The following CEP43 variants were observed in gnomAD, a reference collection of about 807,000 sequenced individuals.
CEP43 encodes the protein FGFR1 oncogene partner.
CEP43 carries 36 observed loss-of-function variants against 52.6 expected under a neutral mutation model. The observed-to-expected ratio is 0.68, with a 90% CI of 0.52 to 0.90. The LOEUF (loss-of-function observed/expected upper bound fraction) is 0.90, where lower values mean the gene tolerates loss of function less well. Ranked by LOEUF, CEP43 falls within the 40% of genes least tolerant of loss-of-function variation. The pLI, the probability that CEP43 is intolerant of heterozygous loss-of-function variation, is 0.00. For synonymous variants in CEP43, 192 were observed against 172.4 expected (o/e 1.11, Z -0.89); for missense variants, 506 against 472.8 (o/e 1.07, Z -0.65).
chr6:167,033,996 G>C, intron 12 of CEP43, 25 bp downstream of exon 12: 2 of 1,164,254 alleles, frequency 1.7e-6, no homozygotes, highest in South Asian at 2.9e-5. Flanking sequence ...ATTTCCCATA[G>C]AGTGCTTTTT....
intron 12 of CEP43, among the ~76,000 whole-genome samples, chr6:167,039,411 G>T (rs1054950917): frequency 6.6e-5 from 10 of 152,258 alleles, no homozygotes; most frequent in African/African-American, 2.4e-4. Context: ...TTGCAGGCAT[G>T]AGCCACTGCG....
intron 9 of CEP43, 91 bp downstream of exon 9, chr6:167,024,985 A>C (rs1780322987): frequency 1.4e-6 from 1 of 720,538 alleles, no homozygotes; most frequent in South Asian, 1.7e-5. Flanking sequence ...TTTCCCAGGA[A>C]AATCACTAAA....
Position 167,047,870 on chromosome 6 carries a change from A to C in CEP43, c.*7892A>C, listed in dbSNP as rs914073171. Reference sequence around the variant, plus strand: ...AGAGGAACCTCACGGTGGATGCCGTAAGTGTTTACACTGAAAAGGATTTTC... The same window carrying C: ...AGAGGAACCTCACGGTGGATGCCGTCAGTGTTTACACTGAAAAGGATTTTC... On this transcript the variant is annotated 3_prime_UTR_variant, in exon 13 of 13. Coordinates refer to ENST00000366847, the MANE Select transcript of CEP43 (RefSeq NM_007045.4). 6.6e-6 allele frequency: 1 copy of C among 152,150 alleles called. No homozygotes were observed. The highest frequency in any genetic ancestry group is 2.4e-5 in the African/African-American group (1 of 41,436). 9.4% of individuals were successfully genotyped at this position (152,150 alleles called of 1,614,324 possible).
chr6:167,004,324 G>A lies in CEP43; in HGVS notation c.361G>A (p.Gly121Ser). 1 of 1,611,108 alleles carries A rather than the reference G, an allele frequency of 6.2e-7. No individual in the cohort carries two copies. The highest frequency in any genetic ancestry group is 1.1e-5 in the South Asian group (1 of 90,634). The change falls in exon 5 of 13, where the codon GGT (glycine) becomes AGT (serine). Residue 121 changes from glycine to serine, a missense_variant. Physicochemically the swap from Gly to Ser is moderately conservative, Grantham distance 56. Coordinates refer to ENST00000366847, the MANE Select transcript of CEP43 (RefSeq NM_007045.4). ...ARDLGIIEAE[G>S]TVGGPLLLEV... The stretch of plus-strand genomic sequence containing the variant: ...AGATTTAGGTATAATTGAAGCAGAA[G>A]GTACTGTGGGTGGACCCTTATTATT...
chr6:167,003,684 TGAA>T (rs1260890877), intron 3 of CEP43, 36 bp from the exon 4 acceptor site: 1 of 1,307,056 alleles, frequency 7.7e-7, no homozygotes, highest in East Asian at 2.3e-5. Context: ...ATTCAGTTTT[TGAA>T]GATTTGCTTA....
At chr6:167,011,384 TTGTGTGTGTATGCA>T (rs1448515686) in intron 6 of CEP43, among the ~76,000 whole-genome samples, 2 of 152,146 alleles carry the variant, frequency 1.3e-5, no homozygotes, top group African/African-American at 2.4e-5. Flanking sequence ...TTGGTTACAT[TTGTGTGTGTATGCA>T]TGTGTGCGTC....
chr6:167,041,740 GA>G lies in CEP43; in HGVS notation c.*1764del. On this transcript the variant is annotated 3_prime_UTR_variant, in exon 13 of 13. Transcript: ENST00000366847. Reference sequence around the variant, plus strand: ...ATTTGTCACTTTTCTGTTACGCAGAGAATCAGACCTTTTGATAATATTTGGG... The same window carrying G: ...ATTTGTCACTTTTCTGTTACGCAGAGATCAGACCTTTTGATAATATTTGGG... 9.9e-7 allele frequency: 1 copy of G among 1,012,794 alleles called. No individual in the cohort carries two copies. Among genetic ancestry groups the G allele is most frequent in the Non-Finnish European group, 1.2e-6 (1 of 849,050 alleles). The allele number at this position is 1,012,794 out of a possible 1,614,324, so 62.7% of individuals were successfully genotyped here.
rs767958782 is a variant in CEP43 at position 167,022,418 on chromosome 6, G to A, written c.589G>A (p.Asp197Asn). 1.2e-6 allele frequency: 2 copies of A among 1,612,298 alleles called. No homozygotes were observed. Among genetic ancestry groups the A allele is most frequent in the South Asian group, 2.2e-5 (2 of 90,992 alleles). Residue 197 changes from aspartate to asparagine, a missense_variant, in exon 8 of 13, where the codon GAT (aspartate) becomes AAT (asparagine). By Grantham distance (23) the Asp-to-Asn change is conservative. Coordinates refer to ENST00000366847, the MANE Select transcript of CEP43 (RefSeq NM_007045.4). Reference protein sequence around the residue: ...GQKAGDKKANDEANQSDTSVS... With the variant: ...GQKAGDKKANNEANQSDTSVS... Reference sequence around the variant, plus strand: ...TTCCCTCTCTTTCTAGAAGGCCAATGATGAGGCCAATCAGAGTGATACAAG... The same window carrying A: ...TTCCCTCTCTTTCTAGAAGGCCAATAATGAGGCCAATCAGAGTGATACAAG...
At chr6:167,030,695 CT>C (rs1219213393) in intron 10 of CEP43, among the ~76,000 whole-genome samples, 1 of 152,202 alleles carries the variant, frequency 6.6e-6, no homozygotes, top group East Asian at 1.9e-4. Flanking sequence ...CCTTTTACCC[CT>C]GTTCTCTTTG....
chr6:167,024,831 G>A lies in CEP43; in HGVS notation c.856G>A (p.Ala286Thr). The A allele has an allele frequency of 6.2e-7, 1 of 1,613,104 alleles. No individual in the cohort carries two copies. The highest frequency in any genetic ancestry group is 1.7e-5 in the Admixed American group (1 of 59,932). ...QAGSLASLSD[A>T]PPLKSGLSSL... ...AGGAAGTCTGGCCTCGCTCTCGGAT[G>A]CACCCCCCTTAAAAAGTGGACTCAG... The change falls in exon 9 of 13, where the codon GCA becomes ACA. Residue 286 changes from alanine (A) to threonine (T), a missense_variant. Ala to Thr is a moderately conservative substitution (Grantham distance 58). Coordinates refer to ENST00000366847, the MANE Select transcript of CEP43 (RefSeq NM_007045.4).
At chr6:167,026,407 A>C (rs1467680351) in intron 9 of CEP43, 140 bp from the exon 10 acceptor site, 3 of 648,638 alleles carry the variant, frequency 4.6e-6, no homozygotes, top group Non-Finnish European at 8.3e-6. Context: ...CATTAATCAC[A>C]GTTTATTTTT....
At chr6:167,016,945 A>G (rs1412144663) in intron 7 of CEP43, among the ~76,000 whole-genome samples, 1 of 151,982 alleles carries the variant, frequency 6.6e-6, no homozygotes, top group African/African-American at 2.4e-5. Context: ...AAATGGAAAA[A>G]TGGTTATAAA....
At chr6:167,028,258 T>G (rs1031124295) in intron 10 of CEP43, 34 of 985,336 alleles carry the variant, frequency 3.5e-5, no homozygotes, top group Admixed American at 6.1e-5. Context: ...CTCCTGTTTC[T>G]GAGTGGGGAG....
chr6:166,999,972 T>C, intron 1 of CEP43, 88 bp from the exon 2 acceptor site: 1 of 1,167,852 alleles, frequency 8.6e-7, no homozygotes, highest in South Asian at 1.3e-5. Context: ...GCTCGTTGGC[T>C]TGCTCGTGTT....
Position 167,046,097 on chromosome 6 carries a change from A to G in CEP43, c.*6119A>G, listed in dbSNP as rs1364277758. 6.6e-6 allele frequency: 1 copy of G among 152,186 alleles called. No homozygotes were observed. Among genetic ancestry groups the G allele is most frequent in the Admixed American group, 6.5e-5 (1 of 15,280 alleles). 9.4% of individuals were successfully genotyped at this position (152,186 alleles called of 1,614,324 possible). On this transcript the variant is annotated 3_prime_UTR_variant, in exon 13 of 13. Coordinates refer to ENST00000366847, the MANE Select transcript of CEP43 (RefSeq NM_007045.4). The stretch of plus-strand genomic sequence containing the variant: ...CGTTTCCCTCTAGTTTTCTCTTTAC[A>G]TTTTAACATACACTATTATGTGTCA...
chr6:167,038,619 T>A (rs1033280135), intron 12 of CEP43, among the ~76,000 whole-genome samples: 1 of 152,178 alleles, frequency 6.6e-6, no homozygotes, highest in Admixed American at 6.5e-5. Flanking sequence ...CTAAGATGTG[T>A]TTTATTTTAA....
At position 167,040,840 on chromosome 6, in the gene CEP43, G is replaced by A; in HGVS notation, c.*862G>A. 9.8e-7 allele frequency: 1 copy of A among 1,023,784 alleles called. No individual in the cohort carries two copies. 63.4% of individuals were successfully genotyped at this position (1,023,784 alleles called of 1,614,324 possible). ...CAAATTGGAATGAAATAGTAGTAAT[G>A]GCCTAAGACCATGTTCAGTTTGACA... is the stretch of plus-strand genomic sequence containing the variant. On this transcript the variant is annotated 3_prime_UTR_variant, in exon 13 of 13. Transcript: ENST00000366847.
At chr6:167,003,286 A>G (rs1355498062) in intron 3 of CEP43, 39 bp downstream of exon 3, 13 of 1,199,252 alleles carry the variant, frequency 1.1e-5, no homozygotes, top group Non-Finnish European at 1.3e-5. Flanking sequence ...CTATCTCTGA[A>G]TTTTTGAATC....
chr6:167,040,830 T>C lies in CEP43; in HGVS notation c.*852T>C. On this transcript the variant is annotated 3_prime_UTR_variant, in exon 13 of 13. Transcript: ENST00000366847. ...TATTAAAATCCAAATTGGAATGAAA[T>C]AGTAGTAATGGCCTAAGACCATGTT... 9.8e-7 allele frequency: 1 copy of C among 1,022,460 alleles called. No homozygotes were observed. The highest frequency in any genetic ancestry group is 1.2e-6 in the Non-Finnish European group (1 of 851,558). The allele number at this position is 1,022,460 out of a possible 1,614,324, so 63.3% of individuals were successfully genotyped here.
Sources: allele counts gnomAD v4.1 joint callset (sites outside exome capture counted in the v4.1 genomes callset), GRCh38; gene constraint gnomAD v4.1.1; transcripts MANE v1.5; gene names NCBI Gene and HGNC (gene_info 2026-07-23, HGNC 2026-07-21).